The following CCSER1 variants were observed in gnomAD, a reference collection of about 807,000 sequenced individuals.
CCSER1 encodes serine-rich coiled-coil domain-containing protein 1.
A neutral mutation model predicts 82.0 loss-of-function variants in CCSER1; 41 were observed. That is an observed-to-expected ratio of 0.50 (90% confidence interval 0.39 to 0.65). The LOEUF (loss-of-function observed/expected upper bound fraction) is 0.65. Ranked by LOEUF, CCSER1 falls within the 30% of genes least tolerant of loss-of-function variation. The probability of loss-of-function intolerance (pLI) is 0.00; values close to 1 mark genes in which losing one functional copy is unlikely to be tolerated. For synonymous variants in CCSER1, 414 were observed against 383.9 expected (o/e 1.08, Z -0.92); for missense variants, 1,119 against 1,064.2 (o/e 1.05, Z -0.72).
chr4:91,530,487 C>T (rs1760972764), intron 10 of CCSER1, among the ~76,000 whole-genome samples: 1 of 151,770 alleles, frequency 6.6e-6, no homozygotes, highest in African/African-American at 2.4e-5. Context: ...ATGTTTCATG[C>T]CAGACAAGTT....
chr4:91,063,614 CA>C (rs996484962), intron 9 of CCSER1, among the ~76,000 whole-genome samples: 2 of 151,976 alleles, frequency 1.3e-5, no homozygotes, highest in African/African-American at 4.8e-5. Flanking sequence ...TTATATTCCC[CA>C]AAGTGAGGGT....
intron 10 of CCSER1, among the ~76,000 whole-genome samples, chr4:91,092,422 A>G (rs1331208962): frequency 6.6e-6 from 1 of 152,154 alleles, no homozygotes; most frequent in Non-Finnish European, 1.5e-5. Flanking sequence ...TTACCTCTGC[A>G]TTTGGGCATC....
chr4:91,225,380 GA>G (rs1738108983), intron 10 of CCSER1, among the ~76,000 whole-genome samples: 4 of 122,752 alleles, frequency 3.3e-5, no homozygotes, highest in Non-Finnish European at 6.7e-5. Context: ...TAATATATAT[GA>G]TATAATATAT....
chr4:91,412,091 G>C (rs1325830935), intron 10 of CCSER1, among the ~76,000 whole-genome samples: 1 of 152,118 alleles, frequency 6.6e-6, no homozygotes, highest in Admixed American at 6.6e-5. Context: ...TGGGATTCAG[G>C]AAACTCCAGT....
intron 3 of CCSER1, among the ~76,000 whole-genome samples, chr4:90,397,150 A>C (rs1251899881): frequency 1.3e-5 from 2 of 152,232 alleles, no homozygotes; most frequent in Non-Finnish European, 2.9e-5. Context: ...TGTAAGCACA[A>C]TATCAAAGGA....
intron 10 of CCSER1, among the ~76,000 whole-genome samples, chr4:91,264,435 T>C (rs1741420854): frequency 6.6e-6 from 1 of 151,884 alleles, no homozygotes; most frequent in Non-Finnish European, 1.5e-5. Context: ...TTCCCTAAAG[T>C]CATTCCAAAT....
chr4:91,343,905 G>A (rs1381258242), intron 10 of CCSER1, among the ~76,000 whole-genome samples: 1 of 152,130 alleles, frequency 6.6e-6, no homozygotes, highest in Admixed American at 6.6e-5. Context: ...ATATATGTAA[G>A]TTAAAATTTG....
intron 1 of CCSER1, among the ~76,000 whole-genome samples, chr4:90,182,867 G>A (rs1025489220): frequency 1.3e-5 from 2 of 151,328 alleles, no homozygotes; most frequent in African/African-American, 4.9e-5. Context: ...TTAATAAAGG[G>A]TATTACCTTT....
intron 5 of CCSER1, among the ~76,000 whole-genome samples, chr4:90,530,868 T>C (rs920138612): frequency 5.3e-5 from 8 of 152,130 alleles, no homozygotes; most frequent in Non-Finnish European, 1.2e-4. Context: ...AATTTTCTAT[T>C]CTCTTGCAAC....
intron 5 of CCSER1, among the ~76,000 whole-genome samples, chr4:90,608,249 G>A (rs1393451330): frequency 6.6e-6 from 1 of 152,108 alleles, no homozygotes; most frequent in Non-Finnish European, 1.5e-5. Context: ...TGTTGGCCAG[G>A]CCACGGTGTT....
intron 1 of CCSER1, among the ~76,000 whole-genome samples, chr4:90,243,572 GGT>G (rs760091899): frequency 2.6e-3 from 358 of 138,486 alleles, no homozygotes; most frequent in African/African-American, 4.2e-3. Flanking sequence ...ATTTTGGGGA[GGT>G]GGGGGGTCTT....
intron 10 of CCSER1, among the ~76,000 whole-genome samples, chr4:91,369,295 A>G (rs1241726455): frequency 6.6e-6 from 1 of 152,222 alleles, no homozygotes; most frequent in African/African-American, 2.4e-5. Flanking sequence ...CAACATGTAG[A>G]ACAGAGATCC....
At chr4:90,277,207 A>T (rs1267038864) in intron 1 of CCSER1, among the ~76,000 whole-genome samples, 1 of 152,122 alleles carries the variant, frequency 6.6e-6, no homozygotes, top group Non-Finnish European at 1.5e-5. Flanking sequence ...GGATTGGGAG[A>T]ATTAATATAG....
intron 3 of CCSER1, among the ~76,000 whole-genome samples, chr4:90,391,272 C>CAAA (rs1215360899): frequency 2.9e-5 from 1 of 35,006 alleles, no homozygotes; most frequent in African/African-American, 2.6e-4. Flanking sequence ...GACTCTGTCT[C>CAAA]AAAAAAAAAA....
At chr4:90,668,128 T>C (rs1732141669) in intron 6 of CCSER1, among the ~76,000 whole-genome samples, 1 of 152,162 alleles carries the variant, frequency 6.6e-6, no homozygotes, top group South Asian at 2.1e-4. Context: ...TACTTTTTCT[T>C]TAATAAAAAC....
intron 6 of CCSER1, among the ~76,000 whole-genome samples, chr4:90,700,907 C>T (rs866066036): frequency 6.6e-6 from 1 of 152,112 alleles, no homozygotes; most frequent in African/African-American, 2.4e-5. Context: ...GAGTAGACTG[C>T]AAAAATTTTC....
intron 5 of CCSER1, among the ~76,000 whole-genome samples, chr4:90,494,815 T>A (rs1768720083): frequency 6.6e-6 from 1 of 152,118 alleles, no homozygotes; most frequent in African/African-American, 2.4e-5. Context: ...TATACACTTT[T>A]ACAACAGTTC....
chr4:90,802,149 C>T (rs1177344209), intron 7 of CCSER1, among the ~76,000 whole-genome samples: 6 of 151,164 alleles, frequency 4.0e-5, no homozygotes, highest in South Asian at 2.1e-4. Context: ...ACCCGGGAGG[C>T]GGAGTTTGCA....
intron 10 of CCSER1, among the ~76,000 whole-genome samples, chr4:91,530,820 T>A (rs188507945): frequency 3.3e-5 from 5 of 152,058 alleles, no homozygotes; most frequent in Admixed American, 2.6e-4. Flanking sequence ...CCTGAGTAGC[T>A]GGGATTACAG....
Sources: allele counts gnomAD v4.1 joint callset (sites outside exome capture counted in the v4.1 genomes callset), GRCh38; gene constraint gnomAD v4.1.1; transcripts MANE v1.5; gene names NCBI Gene and HGNC (gene_info 2026-07-23, HGNC 2026-07-21).